Variants in RNF38 observed in about 807,000 individuals in gnomAD.
RNF38 encodes the protein ring finger protein 38.
A neutral mutation model predicts 67.2 loss-of-function variants in RNF38; 15 were observed. That is an observed-to-expected ratio of 0.22 (90% CI 0.15 to 0.34). RNF38 has a LOEUF of 0.34. Among genes scored for constraint, RNF38 ranks in the 10% least tolerant of loss-of-function variants. RNF38 has a pLI of 1.00. For synonymous variants in RNF38, 220 were observed against 218.8 expected, an observed-to-expected ratio of 1.01 and a Z score of -0.05; for missense variants, 524 against 639.9, an observed-to-expected ratio of 0.82 and a Z score of 1.95.
At chr9:36,458,115 G>C (rs187042069) in intron 1 of RNF38, among the ~76,000 whole-genome samples, 1 of 152,330 alleles carries the variant, frequency 6.6e-6, no homozygotes, top group East Asian at 1.9e-4. Flanking sequence ...CAACGCTTTT[G>C]GAATGCAGAG....
At chr9:36,458,733 T>G (rs1470374838) in intron 1 of RNF38, among the ~76,000 whole-genome samples, 1 of 152,108 alleles carries the variant, frequency 6.6e-6, no homozygotes, top group Non-Finnish European at 1.5e-5. Context: ...ACCGCGAGGG[T>G]CCGCGGCTTC....
At chr9:36,377,599 T>G (rs1359753804) in intron 2 of RNF38, among the ~76,000 whole-genome samples, 3 of 152,160 alleles carry the variant, frequency 2.0e-5, no homozygotes, top group Non-Finnish European at 4.4e-5. Context: ...ATACTAACCT[T>G]ATTTTCTCCC....
chr9:36,420,254 C>T (rs772358004), intron 2 of RNF38, among the ~76,000 whole-genome samples: 10 of 152,114 alleles, frequency 6.6e-5, no homozygotes, highest in Admixed American at 2.6e-4. Context: ...AACCTTCGGC[C>T]GGGCACGGTG....
chr9:36,349,943 C>T lies in RNF38; in HGVS notation c.1263+1172G>A, dbSNP rs944408221. Among the ~76,000 whole-genome samples, 7 of 152,040 alleles carry T rather than the reference C, an allele frequency of 4.6e-5. No individual in the cohort carries two copies. The South Asian group carries it at 6.2e-4, about 13-fold the overall frequency. On this transcript the variant is annotated intron_variant, in intron 9 of 11. Coordinates refer to ENST00000259605, the MANE Select transcript of RNF38 (RefSeq NM_022781.5). ...TTGGCTCACTGCAGCCTCCCCCTCC[C>T]GAGTAGCTGGGATTACAGGCACCCG...
intron 2 of RNF38, among the ~76,000 whole-genome samples, chr9:36,378,125 C>G (rs949604518): frequency 1.3e-4 from 20 of 150,418 alleles, no homozygotes; most frequent in Non-Finnish European, 2.9e-4. Flanking sequence ...GCACCAGAAA[C>G]AGGCTGGCTG....
chr9:36,410,359 C>T (rs1219453001), intron 2 of RNF38, among the ~76,000 whole-genome samples: 1 of 152,118 alleles, frequency 6.6e-6, no homozygotes, highest in Non-Finnish European at 1.5e-5. Flanking sequence ...TGGAGTCTTG[C>T]TCTGTCGCCC....
chr9:36,469,233 TAG>T (rs1299974331), intron 1 of RNF38, among the ~76,000 whole-genome samples: 3 of 152,138 alleles, frequency 2.0e-5, no homozygotes, highest in East Asian at 1.9e-4. Flanking sequence ...CCTTTCTATA[TAG>T]AGAGAGAGAC....
chr9:36,402,831 T>C (rs930557355), upstream of RNF38, among the ~76,000 whole-genome samples: 12 of 152,062 alleles, frequency 7.9e-5, no homozygotes, highest in Non-Finnish European at 2.9e-5. Flanking sequence ...CCAGGTTGGA[T>C]AGTTTTAAAT....
intron 1 of RNF38, among the ~76,000 whole-genome samples, chr9:36,445,302 G>T (rs926349219): frequency 3.9e-5 from 6 of 152,192 alleles, no homozygotes; most frequent in African/African-American, 1.4e-4. Flanking sequence ...GTTGAACATG[G>T]TAAGGATAAA....
rs186202489 is a variant in RNF38, at chr9:36,452,866, T to C, written n.242-28183A>G. Among the ~76,000 whole-genome samples, 32 of 152,298 alleles carry C rather than the reference T, an allele frequency of 2.1e-4. 1 individual carries two copies. The highest frequency in any genetic ancestry group is 1.0e-3 in the South Asian group (5 of 4,826). ...GTTTATTTTTATGAATAATATGCCA[T>C]TGTATGGGCATACTAATTTTTGTTT... On this transcript the variant is annotated intron_variant and non_coding_transcript_variant, in intron 1 of 3. Transcript: ENST00000488058.
At chr9:36,400,795 C>G (rs893823096), upstream of RNF38, 6 of 985,458 alleles carry the variant, frequency 6.1e-6, no homozygotes, top group African/African-American at 1.0e-4. Flanking sequence ...ACAGAGTCGC[C>G]TAACGCCTCG....
intron 1 of RNF38, among the ~76,000 whole-genome samples, chr9:36,447,265 T>A (rs900169760): frequency 6.6e-6 from 1 of 152,170 alleles, no homozygotes; most frequent in African/African-American, 2.4e-5. Flanking sequence ...GACCTCTGCA[T>A]ACACCTATCA....
intron 1 of RNF38, among the ~76,000 whole-genome samples, chr9:36,458,108 C>T (rs1177089512): frequency 2.0e-5 from 3 of 152,194 alleles, no homozygotes; most frequent in Admixed American, 6.5e-5. Flanking sequence ...CATACACCAA[C>T]GCTTTTGGAA....
At chr9:36,394,143 C>T (rs1477111575) in intron 1 of RNF38, among the ~76,000 whole-genome samples, 1 of 152,128 alleles carries the variant, frequency 6.6e-6, no homozygotes, top group African/African-American at 2.4e-5. Flanking sequence ...GGCGTGGTGG[C>T]GCACACCTGT....
At chr9:36,361,742 C>G (rs910594793) in intron 4 of RNF38, among the ~76,000 whole-genome samples, 4 of 152,142 alleles carry the variant, frequency 2.6e-5, no homozygotes, top group Admixed American at 2.0e-4. Flanking sequence ...GTTGGTGATG[C>G]AGCGTTTCTT....
At chr9:36,487,376 G>A in exon 1 of RNF38, 1 of 983,702 alleles carries the variant, frequency 1.0e-6, no homozygotes. Context: ...GTGGCCCGGA[G>A]GGCTGAGGCG....
In RNF38 at chr9:36,357,870, C is replaced by T. The variant is rs1834245620; in HGVS notation, c.643G>A (p.Gly215Ser). 1 of 1,613,878 alleles carries T rather than the reference C, an allele frequency of 6.2e-7. No homozygotes were observed. The highest frequency in any genetic ancestry group is 8.5e-7 in the Non-Finnish European group (1 of 1,179,918). ...GTACTACAAGCAGGGATGTGCTGGC[C>T]TGTGCAGAGTGGAATCCCATGTGGT... ...VAPHGIPLCTGQHIPACSTQQ... is the reference protein window; with the variant it reads ...VAPHGIPLCTSQHIPACSTQQ... Residue 215 changes from glycine to serine, a missense_variant, in exon 5 of 12, where the codon GGC becomes AGC. By Grantham distance (56) the Gly-to-Ser change is moderately conservative. This residue lies in a region of RNF38 where 461 missense variants were observed against 517.4 expected (regional missense o/e 0.89). Coordinates refer to ENST00000259605, the MANE Select transcript of RNF38 (RefSeq NM_022781.5).
intron 1 of RNF38, among the ~76,000 whole-genome samples, chr9:36,481,923 C>T (rs949770163): frequency 1.2e-4 from 19 of 152,088 alleles, no homozygotes; most frequent in Non-Finnish European, 1.5e-5. Context: ...AATGCTAGTG[C>T]AGGGGGAAAT....
chr9:36,439,742 G>A (rs1467297591), intron 1 of RNF38, among the ~76,000 whole-genome samples: 5 of 134,132 alleles, frequency 3.7e-5, no homozygotes, highest in Admixed American at 3.4e-4. Context: ...AGTGAGCCGA[G>A]ATTATATCAC....
Sources: gnomAD v4.1 joint callset for allele counts (sites outside exome capture counted in the v4.1 genomes callset) on GRCh38, gnomAD v4.1.1 for gene constraint, gnomAD v4.1.1 regional missense constraint, MANE v1.5 for transcripts, NCBI Gene and HGNC (gene_info 2026-07-23, HGNC 2026-07-21) for gene names.